SOX5: variants seen among roughly 807,000 people sequenced by gnomAD.
SOX5 encodes SRY-box transcription factor 5.
In SOX5, 9 loss-of-function variants were observed where a neutral mutation model predicts 92.0. That is an observed-to-expected ratio of 0.10 (90% CI 0.06 to 0.17). The LOEUF (loss-of-function observed/expected upper bound fraction) is 0.17. SOX5 is among the 10% of genes least tolerant of loss of function. The pLI, the probability that SOX5 is intolerant of heterozygous loss-of-function variation, is 1.00. For missense variants in SOX5, 642 were observed against 944.5 expected (o/e 0.68, Z 4.20); for synonymous variants, 344 against 336.3 (o/e 1.02, Z -0.25).
chr12:24,404,568 C>A (rs1962491053), intron 1 of SOX5, among the ~76,000 whole-genome samples: 1 of 152,168 alleles, frequency 6.6e-6, no homozygotes, highest in African/African-American at 2.4e-5. Flanking sequence ...CATACTTCTG[C>A]TAGCCTGGTT....
intron 9 of SOX5, among the ~76,000 whole-genome samples, chr12:23,576,836 A>G (rs1034088025): frequency 1.3e-5 from 2 of 152,068 alleles, no homozygotes; most frequent in Admixed American, 1.3e-4. Context: ...AAATTGGAAT[A>G]TCTTACCACT....
chr12:23,662,976 G>T (rs577853217), intron 7 of SOX5, among the ~76,000 whole-genome samples: 10 of 152,252 alleles, frequency 6.6e-5, no homozygotes, highest in African/African-American at 1.9e-4. Context: ...AGTCACAAAT[G>T]GTTGACAACC....
chr12:23,614,958 C>T (rs751639662), intron 8 of SOX5, among the ~76,000 whole-genome samples: 5 of 151,890 alleles, frequency 3.3e-5, no homozygotes, highest in Non-Finnish European at 5.9e-5. Context: ...TGTGCCACCG[C>T]GCCCAGCTAA....
intron 4 of SOX5, among the ~76,000 whole-genome samples, chr12:24,207,607 A>T (rs1488928322): frequency 1.3e-5 from 2 of 152,238 alleles, no homozygotes; most frequent in Admixed American, 6.5e-5. Context: ...GGCAGATATT[A>T]AAGATAAATA....
intron 3 of SOX5, among the ~76,000 whole-genome samples, chr12:23,766,776 T>C (rs2094742463): frequency 6.6e-6 from 1 of 152,032 alleles, no homozygotes; most frequent in Non-Finnish European, 1.5e-5. Flanking sequence ...ACATTTTTAA[T>C]GCAAGAAAAA....
chr12:23,787,389 T>C (rs1478702854), intron 3 of SOX5, among the ~76,000 whole-genome samples: 1 of 151,990 alleles, frequency 6.6e-6, no homozygotes, highest in African/African-American at 2.4e-5. Flanking sequence ...TTTTTCCATT[T>C]TCAATTCCTT....
At chr12:23,542,489 T>C (rs1942287479) in intron 13 of SOX5, among the ~76,000 whole-genome samples, 1 of 152,232 alleles carries the variant, frequency 6.6e-6, no homozygotes, top group Non-Finnish European at 1.5e-5. Context: ...AATAGGTATC[T>C]TTATAATCAG....
At chr12:24,382,524 C>T (rs1361504496) in intron 1 of SOX5, among the ~76,000 whole-genome samples, 2 of 152,138 alleles carry the variant, frequency 1.3e-5, no homozygotes, top group African/African-American at 2.4e-5. Context: ...ATAGTAAGGA[C>T]TCCCCTGAGG....
intron 1 of SOX5, among the ~76,000 whole-genome samples, chr12:24,507,189 T>C (rs1273868973): frequency 6.6e-6 from 1 of 152,032 alleles, no homozygotes; most frequent in Non-Finnish European, 1.5e-5. Flanking sequence ...GATTAAACCA[T>C]TGGTTCCTCA....
intron 1 of SOX5, among the ~76,000 whole-genome samples, chr12:24,392,870 G>A (rs1451242220): frequency 6.6e-6 from 1 of 152,058 alleles, no homozygotes; most frequent in Non-Finnish European, 1.5e-5. Context: ...TGTGGACACA[G>A]GGAGAAACAT....
intron 2 of SOX5, among the ~76,000 whole-genome samples, chr12:24,317,443 T>C (rs913219059): frequency 1.3e-5 from 2 of 152,236 alleles, no homozygotes; most frequent in Non-Finnish European, 2.9e-5. Context: ...CCAGGATATA[T>C]AAACTTGAAT....
intron 1 of SOX5, among the ~76,000 whole-genome samples, chr12:24,403,848 A>G (rs928194033): frequency 6.6e-6 from 1 of 152,202 alleles, no homozygotes; most frequent in Non-Finnish European, 1.5e-5. Context: ...CTTATCATGG[A>G]CTTGTTTCTG....
At chr12:23,798,632 AAC>A (rs750957122) in intron 3 of SOX5, among the ~76,000 whole-genome samples, 6 of 150,034 alleles carry the variant, frequency 4.0e-5, no homozygotes, top group East Asian at 1.9e-4. Context: ...TCTCTCTTAC[AAC>A]ACACACACAC....
intron 4 of SOX5, among the ~76,000 whole-genome samples, chr12:24,104,187 T>C (rs1304001513): frequency 2.0e-5 from 3 of 152,158 alleles, no homozygotes; most frequent in Non-Finnish European, 4.4e-5. Flanking sequence ...ATGTCAATAA[T>C]GGAAATGAAA....
intron 2 of SOX5, among the ~76,000 whole-genome samples, chr12:23,856,164 C>T (rs1049200920): frequency 2.0e-5 from 3 of 152,060 alleles, no homozygotes; most frequent in African/African-American, 4.8e-5. Flanking sequence ...CTTTAGCGGG[C>T]CCATAAGGAC....
At chr12:23,582,971 T>G (rs554456984) in intron 9 of SOX5, among the ~76,000 whole-genome samples, 33 of 152,106 alleles carry the variant, frequency 2.2e-4, no homozygotes, top group Non-Finnish European at 4.3e-4. Flanking sequence ...AATATTTTCC[T>G]TGTTTTCCGA....
At chr12:23,582,181 C>T (rs1395829686) in intron 9 of SOX5, 1 of 985,148 alleles carries the variant, frequency 1.0e-6, no homozygotes, top group Non-Finnish European at 1.2e-6. Flanking sequence ...TTGTGTGCAG[C>T]ACTCATCCTT....
rs571730287 is a variant in SOX5, at chr12:23,932,928, T to A, written c.38+16636A>T. Among the ~76,000 whole-genome samples the A allele has an allele frequency of 4.2e-4, 63 of 151,776 alleles. 1 individual carries two copies. The South Asian group carries it at 0.012, about 30-fold the overall frequency. On this transcript the variant is annotated intron_variant, in intron 1 of 14. Coordinates refer to ENST00000451604, the MANE Select transcript of SOX5 (RefSeq NM_006940.6). ...CTTTGCAAGTGGAAAAGAGCAGTAT[T>A]TTTAAGTAATATTCTCATATTGATA...
chr12:23,987,766 C>T (rs1003039835), intron 4 of SOX5, among the ~76,000 whole-genome samples: 1 of 152,186 alleles, frequency 6.6e-6, no homozygotes, highest in African/African-American at 2.4e-5. Context: ...ATATTCCAGC[C>T]TGGGCGACAG....
Sources: allele counts gnomAD v4.1 joint callset (sites outside exome capture counted in the v4.1 genomes callset), GRCh38; gene constraint gnomAD v4.1.1; transcripts MANE v1.5; gene names NCBI Gene and HGNC (gene_info 2026-07-23, HGNC 2026-07-21).